The following RTTN variants were observed in gnomAD, a reference collection of about 807,000 sequenced individuals.
RTTN encodes rotatin.
A neutral mutation model predicts 269.2 loss-of-function variants in RTTN; 182 were observed. The observed-to-expected ratio is 0.68, with a 90% CI of 0.60 to 0.76. The LOEUF (loss-of-function observed/expected upper bound fraction) is 0.76, where lower values mean the gene tolerates loss of function less well. RTTN is among the 30% of genes least tolerant of loss of function. The pLI, the probability that RTTN is intolerant of heterozygous loss-of-function variation, is 0.00. For synonymous variants in RTTN, 1,006 were observed against 963.5 expected, an observed-to-expected ratio of 1.04 and a Z score of -0.82; for missense variants, 2,545 against 2,608.6, an observed-to-expected ratio of 0.98 and a Z score of 0.53.
rs771394277 is a variant in RTTN at position 70,030,942 on chromosome 18, C to T, written c.5581G>A (p.Val1861Ile). ...AGTGACATCAATGCATTTGCAGCTA[C>T]TCTTTTCAGGATATCTTTGGAGGAT... ...GKSSKDILKRVAANALMSLLA... is the reference protein window; with the variant it reads ...GKSSKDILKRIAANALMSLLA... The change falls in exon 41 of 49, where the codon GTA becomes ATA. Residue 1861 changes from valine to isoleucine, a missense_variant. Transcript: ENST00000640769. 1.2e-6 allele frequency: 2 copies of T among 1,613,548 alleles called. No individual in the cohort carries two copies. Among genetic ancestry groups the T allele is most frequent in the African/African-American group, 1.3e-5 (1 of 74,920 alleles).
chr18:70,164,198 TA>T (rs1425118125), intron 14 of RTTN, among the ~76,000 whole-genome samples: 1 of 131,716 alleles, frequency 7.6e-6, no homozygotes, highest in Non-Finnish European at 1.6e-5. Context: ...GTTAAAATGG[TA>T]AAATTTTTTC....
chr18:70,116,813 G>A (rs575138789), intron 26 of RTTN, among the ~76,000 whole-genome samples: 21 of 152,074 alleles, frequency 1.4e-4, no homozygotes, highest in Admixed American at 7.2e-4. Flanking sequence ...CATTGAGCCC[G>A]TTACGGGAAA....
At chr18:70,009,655 T>C (rs1356935946) in intron 46 of RTTN, among the ~76,000 whole-genome samples, 1 of 152,120 alleles carries the variant, frequency 6.6e-6, no homozygotes, top group Non-Finnish European at 1.5e-5. Flanking sequence ...ATTGACACTA[T>C]GAAGAAACTG....
chr18:70,194,345 G>T (rs2061751415), intron 7 of RTTN: 1 of 152,204 alleles, frequency 6.6e-6, no homozygotes, highest in Non-Finnish European at 1.5e-5. Context: ...TTTATATATT[G>T]CTGATAGAAA....
chr18:70,024,688 T>C (rs765650474), intron 44 of RTTN, 34 bp downstream of exon 44: 2 of 1,558,716 alleles, frequency 1.3e-6, no homozygotes, highest in African/African-American at 1.4e-5. Flanking sequence ...AGTATTTTGG[T>C]ATATTATTGA....
At chr18:70,062,596 A>G (rs2058019800) in intron 35 of RTTN, among the ~76,000 whole-genome samples, 1 of 147,964 alleles carries the variant, frequency 6.8e-6, no homozygotes, top group Admixed American at 7.1e-5. Flanking sequence ...CTGTTTGAAG[A>G]TATCCTCCCC....
chr18:70,191,544 C>A (rs572037944), intron 8 of RTTN, among the ~76,000 whole-genome samples: 2 of 152,080 alleles, frequency 1.3e-5, no homozygotes, highest in Admixed American at 6.5e-5. Flanking sequence ...CAAAAATGCA[C>A]CCAAAAAAAC....
At chr18:70,031,277 G>A (rs542335264) in intron 40 of RTTN, 16 of 493,280 alleles carry the variant, frequency 3.2e-5, no homozygotes, top group East Asian at 6.2e-5. Flanking sequence ...ATTCACCAGC[G>A]CATATTGTAT....
chr18:70,175,790 C>T lies in RTTN; in HGVS notation c.1476+885G>A, dbSNP rs140247294. 5.3e-5 allele frequency among the ~76,000 whole-genome samples: 8 copies of T among 151,910 alleles called. 1 individual carries two copies. Among genetic ancestry groups the T allele is most frequent in the Non-Finnish European group, 1.0e-4 (7 of 67,924 alleles). On this transcript the variant is annotated intron_variant, in intron 11 of 48. Coordinates refer to ENST00000640769, the MANE Select transcript of RTTN (RefSeq NM_173630.4). ...CTAACAGTATTTTGAATAGATAAAA[C>T]AAGAAAAAGAAAAGGTTCCATGACA... is the stretch of plus-strand genomic sequence containing the variant.
chr18:70,111,128 G>A lies in RTTN; in HGVS notation c.3684-1411C>T, dbSNP rs139980347. Among the ~76,000 whole-genome samples the A allele has an allele frequency of 3.3e-4, 50 of 152,318 alleles. No homozygotes were observed. In the East Asian group the frequency reaches 8.7e-3, roughly 26 times the overall value. On this transcript the variant is annotated intron_variant, in intron 27 of 48. Transcript: ENST00000640769. ...CCTGGAGAAAGGGGAGGCTGTGGGC[G>A]CAACTTCATCAGATTTAAACATCCC...
chr18:70,199,299 A>T lies in RTTN; in HGVS notation c.578+115T>A, dbSNP rs59021833. ...AAATAAAAATCATTTAAATATGACC[A>T]TTACTACCTTTCACTGCCACTAGTA... On this transcript the variant is annotated intron_variant, in intron 5 of 48. Transcript: ENST00000640769. 3,488 of 601,030 alleles carry T rather than the reference A, an allele frequency of 5.8e-3. 90 individuals are homozygous for T. Among genetic ancestry groups the T allele is most frequent in the African/African-American group, 0.056 (2,989 of 53,292 alleles). The allele number at this position is 601,030 out of a possible 1,614,324, so 37.2% of individuals were successfully genotyped here. A position where few individuals can be genotyped will look rare whatever the true frequency, so the allele number is the denominator to read the frequency against.
intron 33 of RTTN, among the ~76,000 whole-genome samples, chr18:70,074,547 T>C (rs1336072933): frequency 1.3e-5 from 2 of 152,094 alleles, no homozygotes; most frequent in Non-Finnish European, 2.9e-5. Context: ...ATATAGATCA[T>C]ACATATCCGT....
At chr18:70,064,183 C>T (rs1392264223) in intron 35 of RTTN, among the ~76,000 whole-genome samples, 1 of 150,644 alleles carries the variant, frequency 6.6e-6, no homozygotes, top group African/African-American at 2.4e-5. Context: ...ACTAAAAATA[C>T]AAAAATTAGG....
intron 40 of RTTN, among the ~76,000 whole-genome samples, chr18:70,045,245 G>C (rs2057460667): frequency 6.6e-6 from 1 of 152,208 alleles, no homozygotes; most frequent in Non-Finnish European, 1.5e-5. Context: ...ACAGTGATTT[G>C]TTAGGAGGAT....
At chr18:70,205,019 T>C (rs2062040690) in intron 2 of RTTN, 109 bp downstream of exon 2, 1 of 1,087,162 alleles carries the variant, frequency 9.2e-7, no homozygotes, top group African/African-American at 1.6e-5. Flanking sequence ...TCTGGTTGAT[T>C]AAAAAAACTT....
At chr18:70,080,944 A>T (rs908404488) in intron 32 of RTTN, among the ~76,000 whole-genome samples, 2 of 146,990 alleles carry the variant, frequency 1.4e-5, no homozygotes, top group African/African-American at 5.4e-5. Context: ...ACACACACAC[A>T]CACACACACA....
At chr18:70,068,346 C>T (rs2058201532) in intron 34 of RTTN, among the ~76,000 whole-genome samples, 1 of 152,174 alleles carries the variant, frequency 6.6e-6, no homozygotes, top group South Asian at 2.1e-4. Context: ...AGTCCACGTC[C>T]TCATTTAGAG....
At chr18:70,191,650 A>G (rs2061674310) in intron 8 of RTTN, among the ~76,000 whole-genome samples, 1 of 152,232 alleles carries the variant, frequency 6.6e-6, no homozygotes, top group African/African-American at 2.4e-5. Flanking sequence ...GAAAGGCTAG[A>G]GCCTCACACT....
chr18:70,084,981 C>T (rs12717077), intron 32 of RTTN, among the ~76,000 whole-genome samples: 126,376 of 152,148 alleles, frequency 0.83, 55,613 homozygotes, highest in East Asian at 1. Context: ...TTCTGTATTA[C>T]AACATAATGT....
Sources: allele counts gnomAD v4.1 joint callset (sites outside exome capture counted in the v4.1 genomes callset), GRCh38; gene constraint gnomAD v4.1.1; transcripts MANE v1.5; gene names NCBI Gene and HGNC (gene_info 2026-07-23, HGNC 2026-07-21).